Variants in KHDRBS3 observed in about 807,000 individuals in gnomAD.
The protein encoded by KHDRBS3 is KH RNA binding domain containing, signal transduction associated 3.
A neutral mutation model predicts 45.6 loss-of-function variants in KHDRBS3; 23 were observed. The observed-to-expected ratio is 0.50, with a 90% CI of 0.36 to 0.72. The LOEUF is 0.72. Among genes scored for constraint, KHDRBS3 ranks in the 30% least tolerant of loss-of-function variants. KHDRBS3 has a pLI of 0.00. For missense variants in KHDRBS3, 352 were observed against 424.8 expected (o/e 0.83, Z 1.51); for synonymous variants, 162 against 156.5 (o/e 1.04, Z -0.26).
At chr8:135,629,921 A>C (rs901980846) in intron 7 of KHDRBS3, among the ~76,000 whole-genome samples, 2 of 152,212 alleles carry the variant, frequency 1.3e-5, no homozygotes, top group Admixed American at 6.5e-5. Flanking sequence ...TAACTTCTGG[A>C]AGATTATGGA....
intron 1 of KHDRBS3, among the ~76,000 whole-genome samples, chr8:135,506,141 C>T (rs1365646703): frequency 6.6e-6 from 1 of 152,118 alleles, no homozygotes; most frequent in Non-Finnish European, 1.5e-5. Flanking sequence ...TATTCTTAAA[C>T]GTTCATCAAG....
intron 1 of KHDRBS3, among the ~76,000 whole-genome samples, chr8:135,472,147 T>A (rs6997956): frequency 0.37 from 56,332 of 152,090 alleles, 11,643 homozygotes; most frequent in South Asian, 0.53. Flanking sequence ...GATACTGATT[T>A]TGAGGAGAGA....
chr8:135,524,356 T>A (rs1825069437), intron 2 of KHDRBS3, among the ~76,000 whole-genome samples: 1 of 152,222 alleles, frequency 6.6e-6, no homozygotes. Flanking sequence ...GTTAGTGTTA[T>A]GCTAGTTTCA....
At chr8:135,581,232 T>C (rs1828191729) in intron 5 of KHDRBS3, among the ~76,000 whole-genome samples, 1 of 152,234 alleles carries the variant, frequency 6.6e-6, no homozygotes, top group African/African-American at 2.4e-5. Context: ...TTTTTGCTTC[T>C]GTGGAGCCAT....
chr8:135,462,839 T>A (rs751375306), intron 1 of KHDRBS3, among the ~76,000 whole-genome samples: 6 of 152,166 alleles, frequency 3.9e-5, no homozygotes, highest in Non-Finnish European at 5.9e-5. Context: ...TCAGTAACAC[T>A]GAGAGTCTAA....
rs776766724 is a variant in KHDRBS3, at chr8:135,548,736, C to A, written c.325-18C>A. On this transcript the variant is annotated intron_variant, in intron 3 of 8. Transcript: ENST00000355849. Reference sequence around the variant, plus strand: ...AATGACACGTTTTTAAATGTGATTTCTTTTTTCCTTTTTCCAGGAAGAAGA... The same window carrying A: ...AATGACACGTTTTTAAATGTGATTTATTTTTTCCTTTTTCCAGGAAGAAGA... 2 of 1,483,592 alleles carry A rather than the reference C, an allele frequency of 1.3e-6. No homozygotes were observed. Among genetic ancestry groups the A allele is most frequent in the Non-Finnish European group, 1.8e-6 (2 of 1,112,720 alleles). The allele number at this position is 1,483,592 out of a possible 1,614,324, so 91.9% of individuals were successfully genotyped here.
At chr8:135,529,594 T>A (rs1825363371) in intron 2 of KHDRBS3, among the ~76,000 whole-genome samples, 2 of 152,254 alleles carry the variant, frequency 1.3e-5, no homozygotes, top group African/African-American at 4.8e-5. Context: ...AATAATCTAG[T>A]GATATTGTTT....
intron 1 of KHDRBS3, among the ~76,000 whole-genome samples, chr8:135,514,725 G>A (rs1824482519): frequency 6.6e-6 from 1 of 152,100 alleles, no homozygotes; most frequent in Admixed American, 6.5e-5. Flanking sequence ...AAAAATAAAA[G>A]GTATGGGCTT....
At chr8:135,505,153 T>C (rs1200641832) in intron 1 of KHDRBS3, among the ~76,000 whole-genome samples, 2 of 152,194 alleles carry the variant, frequency 1.3e-5, no homozygotes, top group African/African-American at 2.4e-5. Flanking sequence ...AAAAGCAATA[T>C]TGAAGTAGAG....
chr8:135,501,244 T>C (rs1268085073), intron 1 of KHDRBS3, among the ~76,000 whole-genome samples: 1 of 152,220 alleles, frequency 6.6e-6, no homozygotes, highest in Non-Finnish European at 1.5e-5. Flanking sequence ...TTTTTCTTTA[T>C]TCTGTTATGT....
intron 2 of KHDRBS3, among the ~76,000 whole-genome samples, chr8:135,534,384 C>T (rs530913763): frequency 5.9e-5 from 9 of 152,106 alleles, no homozygotes; most frequent in South Asian, 2.1e-4. Flanking sequence ...TTAATACTTT[C>T]GGGGCATTAA....
chr8:135,541,969 A>T lies in KHDRBS3; in HGVS notation c.208-685A>T, dbSNP rs1826069223. On this transcript the variant is annotated intron_variant, in intron 2 of 8. Transcript: ENST00000355849. ...TATAGACAGGTTAGGTAACTTGCCC[A>T]GGTTTACTCAGCTGGCAAACAGAAA... The T allele has an allele frequency of 1.3e-5, 2 of 152,192 alleles. 1 individual carries two copies. Among genetic ancestry groups the T allele is most frequent in the Admixed American group, 1.3e-4 (2 of 15,268 alleles). 9.4% of individuals were successfully genotyped at this position (152,192 alleles called of 1,614,324 possible). A position where few individuals can be genotyped will look rare whatever the true frequency, so the allele number is the denominator to read the frequency against.
intron 5 of KHDRBS3, among the ~76,000 whole-genome samples, chr8:135,571,096 A>G (rs1408915830): frequency 6.6e-6 from 1 of 152,244 alleles, no homozygotes; most frequent in African/African-American, 2.4e-5. Context: ...AACTAGGCAC[A>G]GATTCTCTCA....
intron 1 of KHDRBS3, among the ~76,000 whole-genome samples, chr8:135,474,617 TAAG>T (rs1393954998): frequency 6.6e-6 from 1 of 152,246 alleles, no homozygotes; most frequent in Non-Finnish European, 1.5e-5. Flanking sequence ...TTTAGTTTAA[TAAG>T]AAGTTGTATT....
chr8:135,467,388 A>G (rs1252400423), intron 1 of KHDRBS3, among the ~76,000 whole-genome samples: 1 of 152,258 alleles, frequency 6.6e-6, no homozygotes, highest in Non-Finnish European at 1.5e-5. Flanking sequence ...CAGTGCTGTT[A>G]TCTCATCTAC....
rs372523682 is a variant in KHDRBS3, at chr8:135,582,050, A to G, written c.784A>G (p.Thr262Ala). The G allele has an allele frequency of 6.3e-6, 10 of 1,580,908 alleles. No individual in the cohort carries two copies. In the African/African-American group the frequency reaches 9.5e-5, roughly 15 times the overall value. The change falls in exon 6 of 9, where the codon ACA becomes GCA. Residue 262 changes from threonine to alanine, a missense_variant. This residue lies in a region of KHDRBS3 where 212 missense variants were observed against 209.6 expected (regional missense o/e 1.01). Transcript: ENST00000355849. Reference sequence around the variant, plus strand: ...GTACAGACCTCCACCGCCACCCCCGACACAAGAGACTTATGGAGAATATGT... The same window carrying G: ...GTACAGACCTCCACCGCCACCCCCGGCACAAGAGACTTATGGAGAATATGT... ...TGYRPPPPPP[T>A]QETYGEYDYD...
intron 1 of KHDRBS3, among the ~76,000 whole-genome samples, chr8:135,509,336 G>A (rs2130567533): frequency 6.6e-6 from 1 of 152,276 alleles, no homozygotes; most frequent in African/African-American, 2.4e-5. Context: ...CCGAACTTTA[G>A]TTCTGCCATT....
At chr8:135,584,777 T>C (rs1828383807) in intron 6 of KHDRBS3, among the ~76,000 whole-genome samples, 1 of 152,162 alleles carries the variant, frequency 6.6e-6, no homozygotes. Flanking sequence ...GTTTTCTACT[T>C]CCAACTTTTC....
At chr8:135,527,193 G>A (rs980450857) in intron 2 of KHDRBS3, among the ~76,000 whole-genome samples, 3 of 152,176 alleles carry the variant, frequency 2.0e-5, no homozygotes, top group African/African-American at 7.2e-5. Flanking sequence ...AAGTGGTTAA[G>A]TCATGGTCTT....
Sources: allele counts gnomAD v4.1 joint callset (sites outside exome capture counted in the v4.1 genomes callset), GRCh38; gene constraint gnomAD v4.1.1; regional missense constraint gnomAD v4.1.1; transcripts MANE v1.5; gene names NCBI Gene and HGNC (gene_info 2026-07-23, HGNC 2026-07-21).